The following DOCK8 variants were observed in gnomAD, a reference collection of about 807,000 sequenced individuals.
DOCK8 encodes the protein dedicator of cytokinesis 8.
Under a neutral mutation model 245.6 loss-of-function variants are expected in DOCK8, and 141 were observed. That is an observed-to-expected ratio of 0.57 (90% confidence interval 0.50 to 0.66). The LOEUF is 0.66. DOCK8 is among the 30% of genes least tolerant of loss of function. The probability of loss-of-function intolerance (pLI) is 0.00; values close to 1 mark genes in which losing one functional copy is unlikely to be tolerated. For missense variants in DOCK8, 2,965 were observed against 2,603.4 expected (o/e 1.14, Z -3.02); for synonymous variants, 1,168 against 970.2 (o/e 1.20, Z -3.79).
At chr9:392,914 C>T (rs1279401824) in intron 24 of DOCK8, among the ~76,000 whole-genome samples, 1 of 151,662 alleles carries the variant, frequency 6.6e-6, no homozygotes, top group African/African-American at 2.4e-5. Flanking sequence ...TTCACTCAGC[C>T]TAGCTCTGCA....
intron 28 of DOCK8, among the ~76,000 whole-genome samples, chr9:408,877 C>T (rs1203788993): frequency 2.4e-4 from 23 of 95,848 alleles, no homozygotes; most frequent in African/African-American, 1.1e-3. Flanking sequence ...CACACACACA[C>T]ACACACACAC....
At chr9:336,512 G>A (rs1212240125) in intron 11 of DOCK8, 70 bp from the exon 12 acceptor site, 2 of 1,597,038 alleles carry the variant, frequency 1.3e-6, no homozygotes, top group East Asian at 2.2e-5. Flanking sequence ...CATACATATT[G>A]TGAAGTTAAT....
chr9:432,378 TTG>T (rs1176367235), intron 37 of DOCK8, 54 bp downstream of exon 37: 47 of 1,552,838 alleles, frequency 3.0e-5, no homozygotes, highest in Non-Finnish European at 3.8e-5. Flanking sequence ...CTGCCAACTA[TTG>T]TGTATGTATG....
chr9:454,550 C>G (rs1339242943), intron 46 of DOCK8: 2 of 152,116 alleles, frequency 1.3e-5, no homozygotes, highest in Non-Finnish European at 2.9e-5. Flanking sequence ...TCAGGAATGC[C>G]TGTGATGCAC....
At chr9:215,152 A>G (rs932631762) in intron 1 of DOCK8, 123 bp downstream of exon 1, 13 of 1,472,124 alleles carry the variant, frequency 8.8e-6, no homozygotes, top group African/African-American at 4.5e-5. Context: ...GGCGCGCCTG[A>G]GACCTGGGGC....
chr9:311,896 C>T (rs1257613207), intron 5 of DOCK8, 58 bp from the exon 6 acceptor site: 23 of 1,593,936 alleles, frequency 1.4e-5, no homozygotes, highest in Non-Finnish European at 1.7e-5. Flanking sequence ...CAAGATTCTT[C>T]GGTTCTCATT....
chr9:415,072 A>C, intron 29 of DOCK8, 121 bp downstream of exon 29: 1 of 1,416,128 alleles, frequency 7.1e-7, no homozygotes, highest in Non-Finnish European at 9.9e-7. Flanking sequence ...TTCTTCACAA[A>C]AATGGTCTCC....
intron 1 of DOCK8, among the ~76,000 whole-genome samples, chr9:224,417 A>T (rs1005420487): frequency 1.3e-5 from 2 of 152,216 alleles, no homozygotes; most frequent in African/African-American, 4.8e-5. Flanking sequence ...GAGAGTATGC[A>T]CATTAGCAAA....
chr9:251,989 T>C (rs2047661009), intron 1 of DOCK8, among the ~76,000 whole-genome samples: 1 of 131,762 alleles, frequency 7.6e-6, no homozygotes, highest in South Asian at 2.5e-4. Flanking sequence ...TTTTTTTTTT[T>C]TTGAGATGGA....
rs2296827 is a variant in DOCK8 at position 327,996 on chromosome 9, T to C, written c.895-26T>C. On this transcript the variant is annotated intron_variant, in intron 8 of 47. Transcript: ENST00000432829. ...CCATGAATGCAACAGGTCTAACTTA[T>C]ATTTCACTTTGCTGCTCATTTACAG... The C allele has an allele frequency of 0.15, 236,075 of 1,608,716 alleles. 18,821 individuals carry two copies. Among genetic ancestry groups the C allele is most frequent in the Admixed American group, 0.18 (10,987 of 60,008 alleles).
chr9:434,713 A>G, intron 38 of DOCK8, 70 bp from the exon 39 acceptor site: 1 of 1,541,720 alleles, frequency 6.5e-7, no homozygotes, highest in South Asian at 1.1e-5. Context: ...AGAAAAGGTC[A>G]CACAAAGTAG....
intron 1 of DOCK8, among the ~76,000 whole-genome samples, chr9:248,547 T>TTC (rs71317280): frequency 4.2e-4 from 28 of 67,430 alleles, no homozygotes; most frequent in African/African-American, 8.1e-4. Flanking sequence ...CTTTCTTTCT[T>TTC]TCTCTCTCTC....
At position 446,444 on chromosome 9, in the gene DOCK8, G is replaced by A. The variant is rs2057263206; in HGVS notation, c.5655G>A (p.Glu1885=). ...YEMKDRVTYF[E]KNFNLRRFMY... is the part of the protein sequence containing the mutation. Reference sequence around the variant, plus strand: ...TGAAAGACAGGGTCACATACTTTGAGAAGAATTTCAACCTCCGGAGGTTCA... The same window carrying A: ...TGAAAGACAGGGTCACATACTTTGAAAAGAATTTCAACCTCCGGAGGTTCA... The change falls in exon 44 of 48, where the codon GAG becomes GAA. Residue 1885 remains glutamate (E), a synonymous_variant. Coordinates refer to ENST00000432829, the MANE Select transcript of DOCK8 (RefSeq NM_203447.4). 1.2e-6 allele frequency: 2 copies of A among 1,614,100 alleles called. No individual in the cohort carries two copies. Among genetic ancestry groups the A allele is most frequent in the African/African-American group, 1.3e-5 (1 of 74,930 alleles).
intron 1 of DOCK8, among the ~76,000 whole-genome samples, chr9:217,269 A>G (rs598791): frequency 0.4 from 60,573 of 152,028 alleles, 12,323 homozygotes; most frequent in African/African-American, 0.45. Context: ...TATCTCCATC[A>G]TCACCATCTT....
intron 46 of DOCK8, among the ~76,000 whole-genome samples, chr9:462,071 A>T (rs2057821995): frequency 6.9e-6 from 1 of 145,480 alleles, no homozygotes; most frequent in Admixed American, 6.8e-5. Flanking sequence ...TCTAATTCTT[A>T]TTGGACTAAT....
chr9:355,228 A>G (rs2052376643), intron 14 of DOCK8, among the ~76,000 whole-genome samples: 1 of 124,716 alleles, frequency 8.0e-6, no homozygotes, highest in Non-Finnish European at 1.6e-5. Context: ...TTTTTGAGAC[A>G]GAGTCTCGCT....
chr9:311,145 T>G (rs1308272110), intron 5 of DOCK8, among the ~76,000 whole-genome samples: 1 of 151,944 alleles, frequency 6.6e-6, no homozygotes, highest in Admixed American at 6.6e-5. Context: ...AATAACCAGA[T>G]GTAGTGGCGG....
Position 301,091 on chromosome 9 carries a change from C to T in DOCK8, c.405-3490C>T, listed in dbSNP as rs144275885. Among the ~76,000 whole-genome samples, 315 of 152,272 alleles carry T rather than the reference C, an allele frequency of 2.1e-3. 2 individuals carry two copies. The highest frequency in any genetic ancestry group is 3.7e-3 in the Non-Finnish European group (255 of 68,006). On this transcript the variant is annotated intron_variant, in intron 4 of 47. Transcript: ENST00000432829. ...TGATGAACATCGACACAAAAATCCT[C>T]AACAAAATACTACAAACCAAATCCA...
chr9:265,604 A>T (rs1179099060), intron 1 of DOCK8, among the ~76,000 whole-genome samples: 2 of 152,184 alleles, frequency 1.3e-5, no homozygotes, highest in East Asian at 3.8e-4. Flanking sequence ...TTCAATACTT[A>T]TAGACAAAGT....
Sources: gnomAD v4.1 joint callset for allele counts (sites outside exome capture counted in the v4.1 genomes callset) on GRCh38, gnomAD v4.1.1 for gene constraint, MANE v1.5 for transcripts, NCBI Gene and HGNC (gene_info 2026-07-23, HGNC 2026-07-21) for gene names.